Variants in ATG7 observed in about 807,000 individuals in gnomAD.
The protein encoded by ATG7 is autophagy related 7.
In ATG7, 70 loss-of-function variants were observed where a neutral mutation model predicts 82.4. The ratio of observed to expected loss-of-function variants is 0.85; its 90% CI spans 0.70 to 1.04. ATG7 has a LOEUF of 1.04. Ranked by LOEUF, ATG7 falls within the 50% of genes least tolerant of loss-of-function variation. The pLI is 0.00. For synonymous variants in ATG7, 287 were observed against 313.0 expected, an observed-to-expected ratio of 0.92 and a Z score of 0.88; for missense variants, 792 against 864.3, an observed-to-expected ratio of 0.92 and a Z score of 1.05.
At chr3:11,374,265 G>A (rs2077229848) in intron 18 of ATG7, among the ~76,000 whole-genome samples, 1 of 152,148 alleles carries the variant, frequency 6.6e-6, no homozygotes, top group Admixed American at 6.5e-5. Flanking sequence ...TAGAAATATA[G>A]ATCAATGGAA....
At chr3:11,367,441 A>G (rs1028434086) in intron 18 of ATG7, among the ~76,000 whole-genome samples, 1 of 152,172 alleles carries the variant, frequency 6.6e-6, no homozygotes. Flanking sequence ...GATGTAGTAG[A>G]AAAGTGATAG....
chr3:11,304,453 GCATGACCCCCAA>G (rs11271679), intron 5 of ATG7: 132,845 of 151,952 alleles, frequency 0.87, 58,419 homozygotes, highest in East Asian at 1. Flanking sequence ...TGACAAAGAA[GCATGACCCCCAA>G]CATGACCCCC....
At chr3:11,571,567 C>G in the ATG7 span, among the ~76,000 whole-genome samples, 7 of 152,012 alleles carry the variant, frequency 4.6e-5, no homozygotes, top group South Asian at 2.1e-4. Context: ...GTAATCCCAG[C>G]TACTCAGGAG....
intron 20 of ATG7, among the ~76,000 whole-genome samples, chr3:11,537,310 A>AT (rs1469874282): frequency 1.3e-5 from 2 of 150,696 alleles, no homozygotes; most frequent in African/African-American, 4.9e-5. Context: ...CTCTCACCCC[A>AT]TTTTTTTCCT....
chr3:11,292,400 C>T (rs575658587), intron 3 of ATG7, among the ~76,000 whole-genome samples: 4 of 152,090 alleles, frequency 2.6e-5, no homozygotes, highest in Non-Finnish European at 5.9e-5. Context: ...GCTGGGATTA[C>T]AGGCGTGCAC....
the ATG7 span, chr3:11,565,104 TATTTA>T: frequency 7.8e-7 from 1 of 1,279,258 alleles, no homozygotes; most frequent in Non-Finnish European, 1.0e-6. The surrounding 1 kb of genome is among the most constrained non-coding windows in gnomAD (Gnocchi z 4.1). Context: ...CCGTGTTGCT[TATTTA>T]ATTTTTTACC....
chr3:11,365,513 T>C (rs1279934801), intron 18 of ATG7, among the ~76,000 whole-genome samples: 2 of 149,676 alleles, frequency 1.3e-5, no homozygotes, highest in African/African-American at 4.9e-5. Flanking sequence ...TTGGAAATCA[T>C]TTTTTTTTAG....
At chr3:11,539,097 A>AT (rs35489820) in intron 20 of ATG7, among the ~76,000 whole-genome samples, 117,230 of 150,094 alleles carry the variant, frequency 0.78, 45,890 homozygotes, top group South Asian at 0.87. Context: ...ATCAACTGAG[A>AT]TTTTTTTTTT....
chr3:11,347,826 C>T (rs755667194), intron 13 of ATG7, 51 bp from the exon 14 acceptor site: 31 of 1,573,732 alleles, frequency 2.0e-5, no homozygotes, highest in South Asian at 3.5e-5. Context: ...AGAGACAGCA[C>T]CCTGTGAAAT....
intron 20 of ATG7, among the ~76,000 whole-genome samples, chr3:11,452,811 G>A (rs535256634): frequency 6.6e-6 from 1 of 152,318 alleles, no homozygotes; most frequent in South Asian, 2.1e-4. Flanking sequence ...AGATATTAGT[G>A]TTAAGACCTA....
At chr3:11,441,932 C>A (rs912907714) in intron 20 of ATG7, among the ~76,000 whole-genome samples, 1 of 152,090 alleles carries the variant, frequency 6.6e-6, no homozygotes, top group Non-Finnish European at 1.5e-5. Flanking sequence ...TCCCAAAGTG[C>A]TGGGATTACA....
chr3:11,331,839 C>T (rs1278428659), intron 10 of ATG7, among the ~76,000 whole-genome samples: 2 of 152,128 alleles, frequency 1.3e-5, no homozygotes, highest in Non-Finnish European at 2.9e-5. Flanking sequence ...AAAAGATGCC[C>T]AACATCATGT....
At chr3:11,340,605 T>C (rs1426554886) in intron 11 of ATG7, 40 bp from the exon 12 acceptor site, 1 of 1,561,904 alleles carries the variant, frequency 6.4e-7, no homozygotes, top group Non-Finnish European at 8.8e-7. Context: ...GTTTTTATTC[T>C]TCCCTCCTTC....
At chr3:11,446,715 T>G in intron 20 of ATG7, 1 of 240,294 alleles carries the variant, frequency 4.2e-6, no homozygotes, top group South Asian at 4.0e-5. Context: ...TGCCAGGGAC[T>G]CAACCTCTAA....
Position 11,395,966 on chromosome 3 carries a change from GGTA to G in ATG7, c.1956+15916_1956+15918del, listed in dbSNP as rs1277371075. ...AAAAAAAAAAAAAAAAAAAAAAAAA[GGTA>G]GGGGGGGAAGAGTAAAAGTGAAGGT... On this transcript the variant is annotated intron_variant, in intron 19 of 20. Transcript: ENST00000693202. 7.1e-4 allele frequency among the ~76,000 whole-genome samples: 51 copies of G among 71,346 alleles called. 4 individuals carry two copies. The highest frequency in any genetic ancestry group is 2.5e-3 in the South Asian group (3 of 1,222). The allele number at this position is 71,346 out of a possible 152,430, so 46.8% of individuals were successfully genotyped here.
intron 19 of ATG7, among the ~76,000 whole-genome samples, chr3:11,394,248 A>T (rs889024040): frequency 1.3e-5 from 2 of 152,228 alleles, no homozygotes; most frequent in African/African-American, 4.8e-5. Context: ...TTGCCAAGGT[A>T]AGACCATGTA....
chr3:11,494,568 A>T (rs1406715383), intron 20 of ATG7, among the ~76,000 whole-genome samples: 3 of 152,200 alleles, frequency 2.0e-5, no homozygotes, highest in African/African-American at 4.8e-5. Flanking sequence ...CAAAGCTAGG[A>T]TTAGGAAGAA....
intron 11 of ATG7, among the ~76,000 whole-genome samples, chr3:11,336,998 T>C (rs1338917710): frequency 6.6e-6 from 1 of 152,206 alleles, no homozygotes; most frequent in Admixed American, 6.5e-5. Flanking sequence ...AAATATCCTA[T>C]GTCTTCTTTT....
rs193006151 is a variant in ATG7, at chr3:11,544,041, T to G, written c.2080-10770T>G. 9.7e-4 allele frequency among the ~76,000 whole-genome samples: 147 copies of G among 152,298 alleles called. No individual in the cohort carries two copies. The South Asian group carries it at 0.012, about 12-fold the overall frequency. On this transcript the variant is annotated intron_variant, in intron 20 of 20. Coordinates refer to ENST00000693202, the MANE Select transcript of ATG7 (RefSeq NM_001349232.2). ...GCTTTGTGCAGTCTGCCTGCTCCCT[T>G]CCCTCTTGGTTCACTCCTTCAGGCT...
Sources: gnomAD v4.1 joint callset for allele counts (sites outside exome capture counted in the v4.1 genomes callset) on GRCh38, gnomAD v4.1.1 for gene constraint, Gnocchi (gnomAD v3.1) non-coding constraint, MANE v1.5 for transcripts, NCBI Gene and HGNC (gene_info 2026-07-23, HGNC 2026-07-21) for gene names.